The following ZNF565 variants were observed in gnomAD, a reference collection of about 807,000 sequenced individuals.
ZNF565 encodes the protein zinc finger protein 565.
A neutral mutation model predicts 39.4 loss-of-function variants in ZNF565; 27 were observed. The observed-to-expected ratio is 0.69, with a 90% CI of 0.51 to 0.95. The LOEUF (loss-of-function observed/expected upper bound fraction) is 0.95, where lower values mean the gene tolerates loss of function less well. Among genes scored for constraint, ZNF565 ranks in the 40% least tolerant of loss-of-function variants. ZNF565 has a pLI of 0.00. For missense variants in ZNF565, 524 were observed against 621.1 expected (o/e 0.84, Z 1.66); for synonymous variants, 185 against 216.6 (o/e 0.85, Z 1.28).
In ZNF565 at chr19:36,183,044, C is replaced by A; in HGVS notation, c.922G>T (p.Glu308Ter). 6.2e-7 allele frequency: 1 copy of A among 1,614,196 alleles called. No homozygotes were observed. Among genetic ancestry groups the A allele is most frequent in the Non-Finnish European group, 8.5e-7 (1 of 1,180,038 alleles). ...AAGGCTTTCCCGCATTCTTTACACT[C>A]ATAGGGTCTGGCCCCTGTGTGGATT... is the stretch of plus-strand genomic sequence containing the variant. ...RRIHTGARPYECKECGKAFRQ... is the reference protein window; with the variant it reads ...RRIHTGARPY The change falls in exon 5 of 5, where the codon GAG becomes TAG. Residue 308 changes from glutamate to a stop codon, truncating the protein, a stop_gained. Coordinates refer to ENST00000304116, the MANE Select transcript of ZNF565 (RefSeq NM_152477.5). LOFTEE classifies it high-confidence loss of function.
intron 1 of ZNF565, chr19:36,238,225 C>T (rs1384457873): frequency 6.0e-6 from 1 of 167,068 alleles, no homozygotes; most frequent in African/African-American, 2.4e-5. Flanking sequence ...CAGAATGATA[C>T]AGATAGTACA....
chr19:36,219,243 A>T (rs1335627194), upstream of ZNF565, among the ~76,000 whole-genome samples: 4 of 151,312 alleles, frequency 2.6e-5, no homozygotes, highest in African/African-American at 9.7e-5. Context: ...TGCAGCCTCC[A>T]CCTCCTGGGC....
At position 36,210,489 on chromosome 19, in the gene ZNF565, C is replaced by T. The variant is rs144997268; in HGVS notation, c.-66+4133G>A. Among the ~76,000 whole-genome samples the T allele has an allele frequency of 5.5e-3, 832 of 150,240 alleles. 5 individuals are homozygous for T. The highest frequency in any genetic ancestry group is 0.019 in the African/African-American group (778 of 40,862). ...CTAGAATGAACCCTGTAGTGTTGCACTGAAATTGGAGATACTATATGAACT... is the reference window on the plus strand; with the variant it reads ...CTAGAATGAACCCTGTAGTGTTGCATTGAAATTGGAGATACTATATGAACT... On this transcript the variant is annotated intron_variant, in intron 1 of 4. Coordinates refer to ENST00000304116, the MANE Select transcript of ZNF565 (RefSeq NM_152477.5).
chr19:36,211,358 G>A (rs1008907016), intron 1 of ZNF565, among the ~76,000 whole-genome samples: 3 of 151,244 alleles, frequency 2.0e-5, no homozygotes, highest in Admixed American at 6.6e-5. Flanking sequence ...CAGGAGAATC[G>A]CTTGAATCCA....
intron 4 of ZNF565, among the ~76,000 whole-genome samples, chr19:36,190,589 T>C (rs144282703): frequency 7.8e-6 from 1 of 128,338 alleles, no homozygotes; most frequent in African/African-American, 3.0e-5. Flanking sequence ...AAAAAAAAAA[T>C]TAAAAAAAAA....
At chr19:36,207,558 TAAC>T (rs1976203502) in intron 1 of ZNF565, among the ~76,000 whole-genome samples, 1 of 148,588 alleles carries the variant, frequency 6.7e-6, no homozygotes, top group African/African-American at 2.5e-5. Flanking sequence ...AAAAAATACA[TAAC>T]AAACAAACAA....
chr19:36,230,595 T>C (rs1360986711), intron 1 of ZNF565, among the ~76,000 whole-genome samples: 1 of 152,132 alleles, frequency 6.6e-6, no homozygotes, highest in Non-Finnish European at 1.5e-5. Context: ...GGAAGATCAT[T>C]AGCCAGAAGG....
chr19:36,213,698 T>TG (rs1170542507), intron 1 of ZNF565, among the ~76,000 whole-genome samples: 2 of 150,344 alleles, frequency 1.3e-5, no homozygotes, highest in African/African-American at 2.5e-5. Context: ...AATTTTTTTT[T>TG]TTTTTTTTTG....
Position 36,182,347 on chromosome 19 carries a change from A to G in ZNF565, c.*119T>C, listed in dbSNP as rs543990469. The G allele has an allele frequency of 6.7e-5, 54 of 803,260 alleles. No individual in the cohort carries two copies. In the Middle Eastern group the frequency reaches 8.6e-4, roughly 13 times the overall value. 49.8% of individuals were successfully genotyped at this position (803,260 alleles called of 1,614,324 possible). A position where few individuals can be genotyped will look rare whatever the true frequency, so the allele number is the denominator to read the frequency against. The stretch of plus-strand genomic sequence containing the variant: ...TTGGGTGTGAGTTTTCTGATGTTCT[A>G]TGATGGAAGTGACAGGTGTTTTCTG... On this transcript the variant is annotated 3_prime_UTR_variant, in exon 5 of 5. Transcript: ENST00000304116.
chr19:36,235,065 C>G (rs1166985512), intron 1 of ZNF565, among the ~76,000 whole-genome samples: 2 of 151,788 alleles, frequency 1.3e-5, no homozygotes, highest in African/African-American at 4.8e-5. Context: ...ATTATTTAGC[C>G]AGGTATGGTG....
chr19:36,194,774 C>G (rs1237296337), intron 3 of ZNF565: 2 of 583,632 alleles, frequency 3.4e-6, no homozygotes, highest in East Asian at 6.2e-5. Context: ...CAGAAAGCAT[C>G]AGCTGGAGAT....
intron 4 of ZNF565, among the ~76,000 whole-genome samples, chr19:36,193,888 T>C (rs1446275581): frequency 1.3e-5 from 2 of 151,732 alleles, no homozygotes; most frequent in African/African-American, 4.8e-5. Context: ...TGAGCTATGA[T>C]CACGCCACTG....
rs147125883 is a variant in ZNF565, at chr19:36,194,883, G to C, written c.136+147C>G. 1.2e-3 allele frequency: 1,479 copies of C among 1,229,246 alleles called. 14 individuals carry two copies. The East Asian group carries it at 0.02, about 16-fold the overall frequency. The allele number at this position is 1,229,246 out of a possible 1,614,324, so 76.1% of individuals were successfully genotyped here. A position where few individuals can be genotyped will look rare whatever the true frequency, so the allele number is the denominator to read the frequency against. ...GAAGTAGCTACAGCTATTGCTGGCC[G>C]GGCCTCTCTCTATGGCTGTAGTTTG... On this transcript the variant is annotated intron_variant, in intron 3 of 4. Transcript: ENST00000304116.
chr19:36,222,570 CA>C (rs576553391), intron 1 of ZNF565, among the ~76,000 whole-genome samples: 184 of 152,242 alleles, frequency 1.2e-3, no homozygotes, highest in African/African-American at 4.3e-3. Flanking sequence ...TCGCTAGGGA[CA>C]TAAGAGACAA....
chr19:36,190,632 C>T (rs1263843814), intron 4 of ZNF565, among the ~76,000 whole-genome samples: 2 of 149,916 alleles, frequency 1.3e-5, no homozygotes, highest in African/African-American at 4.9e-5. Flanking sequence ...CACAAGATGG[C>T]GAGATTATCC....
Position 36,198,018 on chromosome 19 carries a change from G to A in ZNF565, c.10-2862C>T, listed in dbSNP as rs990264553. 1.1e-4 allele frequency among the ~76,000 whole-genome samples: 17 copies of A among 152,044 alleles called. No homozygotes were observed. The East Asian group carries it at 2.9e-3, about 26-fold the overall frequency. On this transcript the variant is annotated intron_variant, in intron 2 of 4. Transcript: ENST00000304116. ...CAAAAAATTAGCTGGGCATGGTAGC[G>A]TGCGCCTGTAATCCCAGCTACTTGG...
At position 36,227,429 on chromosome 19, in the gene ZNF565, C is replaced by T. The variant is rs552946754; in HGVS notation, c.55+18047G>A. On this transcript the variant is annotated intron_variant, in intron 1 of 4. Transcript: ENST00000355114. ...AGATTTTTTTTTTTCTTTTGGAGTG[C>T]AGTGGCTATTCATAGGCATGATCAT... is the stretch of plus-strand genomic sequence containing the variant. Among the ~76,000 whole-genome samples, 17 of 149,852 alleles carry T rather than the reference C, an allele frequency of 1.1e-4. No individual in the cohort carries two copies. In the East Asian group the frequency reaches 2.7e-3, roughly 24 times the overall value.
upstream of ZNF565, among the ~76,000 whole-genome samples, chr19:36,219,613 G>A (rs975908533): frequency 1.7e-4 from 26 of 152,124 alleles, no homozygotes; most frequent in African/African-American, 4.1e-4. Context: ...CAGATGGCTG[G>A]TGATTGTTAC....
Position 36,222,600 on chromosome 19 carries a change from T to C in ZNF565, c.56-20550A>G, listed in dbSNP as rs1221652685. Among the ~76,000 whole-genome samples the C allele has an allele frequency of 2.6e-5, 4 of 152,198 alleles. No individual in the cohort carries two copies. The East Asian group carries it at 7.7e-4, about 29-fold the overall frequency. ...GAGACAATCTGAACTTCAGTGTAGG[T>C]TTCATTTACATCCCTTCTTATGAAT... On this transcript the variant is annotated intron_variant, in intron 1 of 4. Transcript: ENST00000355114.
Sources: allele counts gnomAD v4.1 joint callset (sites outside exome capture counted in the v4.1 genomes callset), GRCh38; gene constraint gnomAD v4.1.1; transcripts MANE v1.5; gene names NCBI Gene and HGNC (gene_info 2026-07-23, HGNC 2026-07-21).